Variants in ZC3H3 observed in about 807,000 individuals in gnomAD.
The protein encoded by ZC3H3 is zinc finger CCCH-type containing 3, also known as zinc finger CCCH domain-containing protein 3.
In ZC3H3, 36 loss-of-function variants were observed where a neutral mutation model predicts 77.3. That is an observed-to-expected ratio of 0.47 (90% CI 0.36 to 0.61). The LOEUF is 0.61. Among genes scored for constraint, ZC3H3 ranks in the 20% least tolerant of loss-of-function variants. The pLI is 0.00. For missense variants in ZC3H3, 1,331 were observed against 1,312.2 expected, an observed-to-expected ratio of 1.01 and a Z score of -0.22; for synonymous variants, 626 against 555.2, an observed-to-expected ratio of 1.13 and a Z score of -1.79.
At chr8:143,518,356 A>G (rs1269463131) in intron 3 of ZC3H3, among the ~76,000 whole-genome samples, 1 of 152,122 alleles carries the variant, frequency 6.6e-6, no homozygotes, top group Non-Finnish European at 1.5e-5. Flanking sequence ...GGCGGCACGG[A>G]GACCCAGCTC....
chr8:143,523,558 C>G, intron 3 of ZC3H3: 1 of 984,810 alleles, frequency 1.0e-6, no homozygotes, highest in African/African-American at 1.7e-5. Context: ...GCTTGGTGAG[C>G]TCCCAGAGGC....
chr8:143,516,045 G>A (rs1377296344), intron 3 of ZC3H3, among the ~76,000 whole-genome samples: 1 of 152,170 alleles, frequency 6.6e-6, no homozygotes. Context: ...GCCCCTGCTG[G>A]CCCTCCCCTT....
At position 143,468,666 on chromosome 8, in the gene ZC3H3, G is replaced by C. The variant is rs1487154260; in HGVS notation, c.1904-7C>G. 1 of 1,549,186 alleles carries C rather than the reference G, an allele frequency of 6.5e-7. No individual in the cohort carries two copies. Among genetic ancestry groups the C allele is most frequent in the Non-Finnish European group, 8.7e-7 (1 of 1,146,802 alleles). On this transcript the variant is annotated splice_region_variant and splice_polypyrimidine_tract_variant and intron_variant, in intron 5 of 11. Coordinates refer to ENST00000262577, the MANE Select transcript of ZC3H3 (RefSeq NM_015117.3). ...CCTGCAGGATCCAGCCGGCCTGTGG[G>C]GGAGAGAGGCACGGGTCATAGCAGG...
At chr8:143,510,226 T>C (rs527780639) in intron 3 of ZC3H3, among the ~76,000 whole-genome samples, 1 of 152,316 alleles carries the variant, frequency 6.6e-6, no homozygotes, top group African/African-American at 2.4e-5. Flanking sequence ...ATTCTGCACG[T>C]CACCTAGATA....
chr8:143,501,019 G>A (rs1396625921), intron 4 of ZC3H3, among the ~76,000 whole-genome samples: 4 of 142,182 alleles, frequency 2.8e-5, no homozygotes, highest in Non-Finnish European at 4.5e-5. Context: ...GTTTCACCAT[G>A]TTGGCCAGGC....
At position 143,519,647 on chromosome 8, in the gene ZC3H3, G is replaced by A. The variant is rs62521941; in HGVS notation, c.1562-11748C>T. 8.2e-4 allele frequency among the ~76,000 whole-genome samples: 125 copies of A among 152,258 alleles called. 2 individuals carry two copies. Among genetic ancestry groups the A allele is most frequent in the African/African-American group, 1.6e-3 (66 of 41,542 alleles). On this transcript the variant is annotated intron_variant, in intron 3 of 11. Transcript: ENST00000262577. Reference sequence around the variant, plus strand: ...CAGGCGAGCGTGCCGTGCTGTGTGCGTGCACATGCGCCACAGCGGCCCACA... The same window carrying A: ...CAGGCGAGCGTGCCGTGCTGTGTGCATGCACATGCGCCACAGCGGCCCACA...
intron 3 of ZC3H3, among the ~76,000 whole-genome samples, chr8:143,518,174 C>T (rs1195500630): frequency 6.6e-6 from 1 of 152,176 alleles, no homozygotes; most frequent in Non-Finnish European, 1.5e-5. Flanking sequence ...GAGTCAGGCT[C>T]CTGTCTGGGG....
At chr8:143,510,019 G>A (rs193042404) in intron 3 of ZC3H3, among the ~76,000 whole-genome samples, 2 of 152,324 alleles carry the variant, frequency 1.3e-5, no homozygotes, top group East Asian at 1.9e-4. Flanking sequence ...TGCCCAGGAG[G>A]GGCAGCTTGG....
At chr8:143,526,097 C>T (rs1030385227) in intron 3 of ZC3H3, among the ~76,000 whole-genome samples, 1 of 152,264 alleles carries the variant, frequency 6.6e-6, no homozygotes, top group African/African-American at 2.4e-5. Flanking sequence ...CGCTAGGATG[C>T]AGGCTGCTGC....
chr8:143,500,609 A>C (rs1438112750), intron 4 of ZC3H3, among the ~76,000 whole-genome samples: 1 of 152,236 alleles, frequency 6.6e-6, no homozygotes, highest in East Asian at 1.9e-4. Context: ...TGAGAGATCC[A>C]AGAGCATGGT....
intron 4 of ZC3H3, among the ~76,000 whole-genome samples, chr8:143,483,160 C>T (rs1029378983): frequency 1.6e-4 from 25 of 152,236 alleles, no homozygotes; most frequent in African/African-American, 5.8e-4. Context: ...GAGGCGGCGC[C>T]GCAGCGAATC....
intron 4 of ZC3H3, among the ~76,000 whole-genome samples, chr8:143,507,064 G>A (rs1203193131): frequency 6.6e-6 from 1 of 152,232 alleles, no homozygotes; most frequent in Non-Finnish European, 1.5e-5. Flanking sequence ...CTCCCAACCT[G>A]GAGATGGGGC....
intron 9 of ZC3H3, among the ~76,000 whole-genome samples, chr8:143,455,505 C>T (rs1820093315): frequency 6.6e-6 from 1 of 151,608 alleles, no homozygotes; most frequent in Non-Finnish European, 1.5e-5. Flanking sequence ...TGCCCCCCCT[C>T]CCCAAAATAA....
intron 9 of ZC3H3, among the ~76,000 whole-genome samples, chr8:143,450,750 C>A (rs1819968586): frequency 6.6e-6 from 1 of 152,106 alleles, no homozygotes; most frequent in Non-Finnish European, 1.5e-5. Flanking sequence ...GAGGATGGTG[C>A]TAAACTATTA....
intron 3 of ZC3H3, among the ~76,000 whole-genome samples, chr8:143,518,617 C>T (rs73715649): frequency 0.018 from 2,815 of 152,342 alleles, 80 homozygotes; most frequent in African/African-American, 0.064. Context: ...GAGGGGAGGT[C>T]GTGGATGCCA....
intron 3 of ZC3H3, among the ~76,000 whole-genome samples, chr8:143,531,384 G>A (rs889473059): frequency 2.0e-5 from 3 of 152,160 alleles, no homozygotes; most frequent in African/African-American, 7.2e-5. Flanking sequence ...CCCCTGCCCC[G>A]CCCCCAGCCG....
intron 4 of ZC3H3, 118 bp from the exon 5 acceptor site, chr8:143,475,703 G>A (rs913188114): frequency 2.5e-6 from 3 of 1,220,782 alleles, no homozygotes; most frequent in Non-Finnish European, 3.3e-6. Context: ...AGCAGCACTT[G>A]CGGTGGGTAC....
At chr8:143,517,063 C>T (rs760731318) in intron 3 of ZC3H3, among the ~76,000 whole-genome samples, 8 of 152,188 alleles carry the variant, frequency 5.3e-5, no homozygotes, top group South Asian at 2.1e-4. Context: ...GCCGCTGCCG[C>T]GGACTGTCAG....
At chr8:143,514,232 C>T (rs1183260326) in intron 3 of ZC3H3, among the ~76,000 whole-genome samples, 1 of 152,160 alleles carries the variant, frequency 6.6e-6, no homozygotes, top group African/African-American at 2.4e-5. Flanking sequence ...AGGTCTCTGG[C>T]CCTCAAGTGC....
Sources: gnomAD v4.1 joint callset for allele counts (sites outside exome capture counted in the v4.1 genomes callset) on GRCh38, gnomAD v4.1.1 for gene constraint, MANE v1.5 for transcripts, NCBI Gene and HGNC (gene_info 2026-07-23, HGNC 2026-07-21) for gene names.